Variants in PEBP4 observed in about 807,000 individuals in gnomAD.
PEBP4 encodes phosphatidylethanolamine binding protein 4.
In PEBP4, 22 loss-of-function variants were observed where a neutral mutation model predicts 23.9. That is an observed-to-expected ratio of 0.92 (90% CI 0.66 to 1.31). PEBP4 has a LOEUF of 1.31. PEBP4 is among the 40% of genes most tolerant of loss of function. The pLI, the probability that PEBP4 is intolerant of heterozygous loss-of-function variation, is 0.00. For missense variants in PEBP4, 324 were observed against 281.7 expected, an observed-to-expected ratio of 1.15 and a Z score of -1.07; for synonymous variants, 112 against 99.3, an observed-to-expected ratio of 1.13 and a Z score of -0.76.
At chr8:22,910,513 C>A (rs954753390) in intron 3 of PEBP4, among the ~76,000 whole-genome samples, 12 of 152,320 alleles carry the variant, frequency 7.9e-5, no homozygotes, top group African/African-American at 2.9e-4. Flanking sequence ...GTAGGCAGTT[C>A]TCCATCCACC....
chr8:22,851,134 C>T (rs1049442227), intron 3 of PEBP4, among the ~76,000 whole-genome samples: 6 of 152,202 alleles, frequency 3.9e-5, no homozygotes, highest in Admixed American at 6.5e-5. Flanking sequence ...GGATCTTGCC[C>T]TGGGTGACAG....
At chr8:22,804,750 T>A (rs1047149937) in intron 4 of PEBP4, among the ~76,000 whole-genome samples, 2 of 152,122 alleles carry the variant, frequency 1.3e-5, no homozygotes, top group Admixed American at 1.3e-4. Context: ...CTGGTCTGGG[T>A]GCAGCTTCCT....
At chr8:22,859,742 C>T (rs1219688291) in intron 3 of PEBP4, among the ~76,000 whole-genome samples, 2 of 152,238 alleles carry the variant, frequency 1.3e-5, no homozygotes, top group South Asian at 2.1e-4. Flanking sequence ...TGTCCCTCCT[C>T]GTACTTTAAC....
chr8:22,899,650 C>G (rs1031440513), intron 3 of PEBP4, among the ~76,000 whole-genome samples: 4 of 152,208 alleles, frequency 2.6e-5, no homozygotes, highest in African/African-American at 9.6e-5. Flanking sequence ...GCTATGACTC[C>G]TGGCTACTTT....
chr8:22,910,301 G>A (rs113249339), intron 3 of PEBP4, among the ~76,000 whole-genome samples: 5 of 152,210 alleles, frequency 3.3e-5, no homozygotes, highest in African/African-American at 1.2e-4. Flanking sequence ...AGCTTACCCC[G>A]TTGTTAGCAA....
intron 4 of PEBP4, among the ~76,000 whole-genome samples, chr8:22,763,506 C>T (rs1341352023): frequency 1.3e-5 from 2 of 152,190 alleles, no homozygotes; most frequent in Non-Finnish European, 1.5e-5. Flanking sequence ...TCGAATCTTG[C>T]ACTGCCACTT....
At chr8:22,882,919 A>T (rs1339852140) in intron 3 of PEBP4, among the ~76,000 whole-genome samples, 1 of 151,386 alleles carries the variant, frequency 6.6e-6, no homozygotes, top group Non-Finnish European at 1.5e-5. Flanking sequence ...TGCTCACCCT[A>T]CCCCACCTGT....
intron 3 of PEBP4, among the ~76,000 whole-genome samples, chr8:22,822,208 T>A (rs1307758295): frequency 6.6e-6 from 1 of 152,096 alleles, no homozygotes; most frequent in Non-Finnish European, 1.5e-5. Context: ...TAATGACCGT[T>A]GGATTTTAAG....
chr8:22,775,227 C>T lies in PEBP4; in HGVS notation c.357+42410G>A, dbSNP rs995704489. ...TCCATATCAACTGGCCCCTTCTACCCGAGAAAGCTGCCTCTCTCAGCAGCA... is the reference window on the plus strand; with the variant it reads ...TCCATATCAACTGGCCCCTTCTACCTGAGAAAGCTGCCTCTCTCAGCAGCA... On this transcript the variant is annotated intron_variant, in intron 4 of 6. Coordinates refer to ENST00000256404, the MANE Select transcript of PEBP4 (RefSeq NM_144962.3). The surrounding 1 kb of genome is among the most constrained non-coding windows in gnomAD (Gnocchi z 4.8). 6.6e-6 allele frequency among the ~76,000 whole-genome samples: 1 copy of T among 152,206 alleles called. No individual in the cohort carries two copies. Among genetic ancestry groups the T allele is most frequent in the Admixed American group, 6.5e-5 (1 of 15,284 alleles).
chr8:22,802,673 C>T (rs966799587), intron 4 of PEBP4, among the ~76,000 whole-genome samples: 9 of 152,208 alleles, frequency 5.9e-5, no homozygotes, highest in South Asian at 2.1e-4. Flanking sequence ...CCTCTAATAA[C>T]GCCAATCTCA....
At chr8:22,806,062 T>C in intron 4 of PEBP4, among the ~76,000 whole-genome samples, 1 of 152,184 alleles carries the variant, frequency 6.6e-6, no homozygotes, top group East Asian at 1.9e-4. Context: ...AGATTAAAAT[T>C]AGCTTCAAAA....
Position 22,883,607 on chromosome 8 carries a change from C to T in PEBP4, c.258+36577G>A, listed in dbSNP as rs915451854. 5.3e-5 allele frequency among the ~76,000 whole-genome samples: 8 copies of T among 152,086 alleles called. No homozygotes were observed. In the South Asian group the frequency reaches 8.3e-4, roughly 16 times the overall value. Reference sequence around the variant, plus strand: ...ACACTCTGCCAACCTGCTAATGAGTCGTCTTGAACCTTGCGTGGTGTTACC... The same window carrying T: ...ACACTCTGCCAACCTGCTAATGAGTTGTCTTGAACCTTGCGTGGTGTTACC... On this transcript the variant is annotated intron_variant, in intron 3 of 6. Transcript: ENST00000256404.
At chr8:22,873,220 T>C (rs146907450) in intron 3 of PEBP4, among the ~76,000 whole-genome samples, 97 of 152,340 alleles carry the variant, frequency 6.4e-4, no homozygotes, top group Non-Finnish European at 1.2e-3. Flanking sequence ...CTTAGTTATA[T>C]ATTTCTTCTT....
At chr8:22,861,266 A>G (rs568762133) in intron 3 of PEBP4, among the ~76,000 whole-genome samples, 1 of 152,332 alleles carries the variant, frequency 6.6e-6, no homozygotes, top group South Asian at 2.1e-4. Context: ...TGGAGGTTCA[A>G]TTTGCCCTAT....
In PEBP4 at chr8:22,818,409, GA is replaced by G. The variant is rs572560762; in HGVS notation, c.259-675del. Among the ~76,000 whole-genome samples the G allele has an allele frequency of 5.3e-5, 8 of 152,216 alleles. No homozygotes were observed. In the South Asian group the frequency reaches 1.0e-3, roughly 20 times the overall value. ...TGAGAGGTGGGAAGTGTTCTGGAAG[GA>G]AAAAAATAGCTGCTATGAAGGTCTT... On this transcript the variant is annotated intron_variant, in intron 3 of 6. Coordinates refer to ENST00000256404, the MANE Select transcript of PEBP4 (RefSeq NM_144962.3).
At chr8:22,731,249 C>T (rs1036660916) in intron 4 of PEBP4, among the ~76,000 whole-genome samples, 1 of 152,204 alleles carries the variant, frequency 6.6e-6, no homozygotes, top group African/African-American at 2.4e-5. Context: ...ACCTCTTCCA[C>T]CTCTTCTGCC....
chr8:22,867,781 TCAA>T (rs1807935442), intron 3 of PEBP4, among the ~76,000 whole-genome samples: 1 of 152,214 alleles, frequency 6.6e-6, no homozygotes, highest in Non-Finnish European at 1.5e-5. Context: ...ATCTGCCACT[TCAA>T]CAAGAGAGAC....
At chr8:22,840,095 C>T (rs921862671) in intron 3 of PEBP4, among the ~76,000 whole-genome samples, 1 of 152,172 alleles carries the variant, frequency 6.6e-6, no homozygotes, top group East Asian at 1.9e-4. Context: ...ATTCTCCATA[C>T]CCATCAGAAG....
At chr8:22,876,618 G>C (rs753900664) in intron 3 of PEBP4, among the ~76,000 whole-genome samples, 2 of 152,212 alleles carry the variant, frequency 1.3e-5, no homozygotes, top group African/African-American at 4.8e-5. Flanking sequence ...CAGCCCAGGG[G>C]CACCTCACAA....
Sources: allele counts gnomAD v4.1 joint callset (sites outside exome capture counted in the v4.1 genomes callset), GRCh38; gene constraint gnomAD v4.1.1; non-coding constraint Gnocchi (gnomAD v3.1); transcripts MANE v1.5; gene names NCBI Gene and HGNC (gene_info 2026-07-23, HGNC 2026-07-21).